Variants in OR9Q1 observed in about 807,000 individuals in gnomAD.
The protein encoded by OR9Q1 is olfactory receptor 9Q1.
For synonymous variants in OR9Q1, 153 were observed against 148.6 expected (o/e 1.03, Z -0.22); for missense variants, 374 against 378.8 (o/e 0.99, Z 0.11).
chr11:58,092,989 GT>G (rs921316394), intron 2 of OR9Q1, among the ~76,000 whole-genome samples: 7 of 150,904 alleles, frequency 4.6e-5, no homozygotes, highest in South Asian at 2.1e-4. Context: ...GTTTATTTTT[GT>G]TTTTTTTTGT....
intron 2 of OR9Q1, among the ~76,000 whole-genome samples, chr11:58,080,851 T>G (rs113040902): frequency 0.012 from 1,851 of 152,126 alleles, 31 homozygotes; most frequent in African/African-American, 0.04. Flanking sequence ...TTAAGTTCGG[T>G]TACACGTGCA....
At chr11:58,063,657 T>C (rs531901602) in intron 2 of OR9Q1, among the ~76,000 whole-genome samples, 19 of 152,292 alleles carry the variant, frequency 1.2e-4, no homozygotes, top group African/African-American at 4.1e-4. Context: ...TATTTTTAAT[T>C]GTGGCATTTG....
intron 2 of OR9Q1, among the ~76,000 whole-genome samples, chr11:58,088,600 G>A (rs906567958): frequency 6.6e-6 from 1 of 151,874 alleles, no homozygotes; most frequent in African/African-American, 2.4e-5. Flanking sequence ...TTATAGGTTT[G>A]TTGGCCGCAT....
intron 1 of OR9Q1, among the ~76,000 whole-genome samples, chr11:58,042,896 CT>C (rs1380259428): frequency 1.1e-4 from 16 of 152,090 alleles, no homozygotes; most frequent in Non-Finnish European, 1.6e-4. Flanking sequence ...GTATTTTATT[CT>C]CTTTGAAGCA....
chr11:58,084,329 T>C (rs903632290), intron 2 of OR9Q1, among the ~76,000 whole-genome samples: 2 of 151,892 alleles, frequency 1.3e-5, no homozygotes, highest in Non-Finnish European at 2.9e-5. Flanking sequence ...TAAAATAGTT[T>C]ATCAGTCCTA....
intron 2 of OR9Q1, among the ~76,000 whole-genome samples, chr11:58,154,181 G>A (rs12797098): frequency 1.7e-4 from 10 of 58,818 alleles, no homozygotes; most frequent in Admixed American, 8.4e-4. Flanking sequence ...AAGGAGGAGG[G>A]GAAGGAGGAG....
At chr11:58,137,901 A>G (rs909024773) in intron 2 of OR9Q1, among the ~76,000 whole-genome samples, 20 of 152,210 alleles carry the variant, frequency 1.3e-4, no homozygotes, top group African/African-American at 4.8e-4. Flanking sequence ...ATATTCATAG[A>G]TACTCTTTTC....
At position 58,046,270 on chromosome 11, in the gene OR9Q1, T is replaced by C. The variant is rs1377479579; in HGVS notation, c.-92-9600T>C. Among the ~76,000 whole-genome samples the C allele has an allele frequency of 2.1e-5, 3 of 141,472 alleles. No homozygotes were observed. The East Asian group carries it at 8.8e-4, about 41-fold the overall frequency. 92.8% of individuals were successfully genotyped at this position (141,472 alleles called of 152,430 possible). A position where few individuals can be genotyped will look rare whatever the true frequency, so the allele number is the denominator to read the frequency against. On this transcript the variant is annotated intron_variant, in intron 1 of 2. Coordinates refer to ENST00000335397, the MANE Select transcript of OR9Q1 (RefSeq NM_001005212.4). ...TCTGCTTCCTTGTTCATAAGCAACT[T>C]TGTTCCCTCCTCTCAGGGTGGGATG...
intron 1 of OR9Q1, among the ~76,000 whole-genome samples, chr11:58,024,654 G>A (rs947653660): frequency 6.6e-6 from 1 of 152,216 alleles, no homozygotes; most frequent in African/African-American, 2.4e-5. Context: ...TCCTTATTTA[G>A]TGATTGCCCC....
At chr11:58,028,500 A>G (rs1038656595) in intron 1 of OR9Q1, among the ~76,000 whole-genome samples, 3 of 152,190 alleles carry the variant, frequency 2.0e-5, no homozygotes, top group African/African-American at 7.2e-5. Context: ...CCTCTCCATG[A>G]CTATGAAAAA....
intron 2 of OR9Q1, chr11:58,119,239 A>T: frequency 6.2e-7 from 1 of 1,614,010 alleles, no homozygotes; most frequent in Non-Finnish European, 8.5e-7. Context: ...ACAGGCATCC[A>T]GCAGGGAGAG....
intron 1 of OR9Q1, among the ~76,000 whole-genome samples, chr11:58,030,388 C>T (rs913403834): frequency 1.3e-5 from 2 of 152,138 alleles, no homozygotes; most frequent in Non-Finnish European, 2.9e-5. Context: ...TCCCCCTTGA[C>T]ATTTATTGAC....
intron 2 of OR9Q1, among the ~76,000 whole-genome samples, chr11:58,165,401 A>G (rs1854491236): frequency 1.3e-5 from 2 of 152,132 alleles, no homozygotes; most frequent in South Asian, 4.1e-4. Context: ...TTGTGAAGGG[A>G]CTGTTTAGGC....
At chr11:58,143,785 G>T (rs1854273372) in intron 2 of OR9Q1, among the ~76,000 whole-genome samples, 1 of 152,050 alleles carries the variant, frequency 6.6e-6, no homozygotes, top group Non-Finnish European at 1.5e-5. Context: ...GTTGATAGGT[G>T]CAGCAAACCA....
At chr11:58,082,935 TC>T (rs753421952) in intron 2 of OR9Q1, among the ~76,000 whole-genome samples, 221 of 149,132 alleles carry the variant, frequency 1.5e-3, no homozygotes, top group Non-Finnish European at 2.6e-3. Context: ...CCTAAAGCTA[TC>T]CCTCCCCCCT....
chr11:58,099,812 T>C (rs1457319125), intron 2 of OR9Q1, among the ~76,000 whole-genome samples: 1 of 152,204 alleles, frequency 6.6e-6, no homozygotes, highest in East Asian at 1.9e-4. Context: ...TTCTTTTGAA[T>C]CAATCATGTT....
At chr11:58,036,387 A>T (rs1306933544) in intron 1 of OR9Q1, among the ~76,000 whole-genome samples, 1 of 152,206 alleles carries the variant, frequency 6.6e-6, no homozygotes, top group Admixed American at 6.6e-5. Context: ...ATGTACAAGG[A>T]GATTCATGTT....
At position 58,041,971 on chromosome 11, in the gene OR9Q1, T is replaced by C. The variant is rs117274040; in HGVS notation, c.-92-13899T>C. Among the ~76,000 whole-genome samples the C allele has an allele frequency of 3.9e-3, 590 of 152,346 alleles. 1 individual carries two copies. The highest frequency in any genetic ancestry group is 6.6e-3 in the Non-Finnish European group (451 of 68,038). Reference sequence around the variant, plus strand: ...AACTCCTGTCTAGGATCCCTTTAAATTGACCAACCATTGTGGTAATGTTGT... The same window carrying C: ...AACTCCTGTCTAGGATCCCTTTAAACTGACCAACCATTGTGGTAATGTTGT... On this transcript the variant is annotated intron_variant, in intron 1 of 2. Transcript: ENST00000335397.
intron 2 of OR9Q1, among the ~76,000 whole-genome samples, chr11:58,058,452 G>A (rs1853347744): frequency 6.6e-6 from 1 of 152,166 alleles, no homozygotes; most frequent in Admixed American, 6.5e-5. Flanking sequence ...AGCGCCAACA[G>A]GAAGTCCTTA....
Sources: gnomAD v4.1 joint callset for allele counts (sites outside exome capture counted in the v4.1 genomes callset) on GRCh38, gnomAD v4.1.1 for gene constraint, MANE v1.5 for transcripts, NCBI Gene and HGNC (gene_info 2026-07-23, HGNC 2026-07-21) for gene names.